PRKAA1: variants seen among roughly 807,000 people sequenced by gnomAD.
PRKAA1 encodes protein kinase AMP-activated catalytic subunit alpha 1.
A neutral mutation model predicts 56.9 loss-of-function variants in PRKAA1; 23 were observed. The ratio of observed to expected loss-of-function variants is 0.40; its 90% CI spans 0.29 to 0.57. PRKAA1 has a LOEUF of 0.57. Ranked by LOEUF, PRKAA1 falls within the 20% of genes least tolerant of loss-of-function variation. The pLI is 0.39. For missense variants in PRKAA1, 413 were observed against 679.7 expected, an observed-to-expected ratio of 0.61 and a Z score of 4.36; for synonymous variants, 226 against 227.0, an observed-to-expected ratio of 1.00 and a Z score of 0.04.
intron 1 of PRKAA1, among the ~76,000 whole-genome samples, chr5:40,785,998 TAA>T (rs1744465340): frequency 6.6e-6 from 1 of 152,154 alleles, no homozygotes; most frequent in Non-Finnish European, 1.5e-5. Flanking sequence ...CTCACGCCTG[TAA>T]TCCCAGCACT....
Position 40,767,459 on chromosome 5 carries a change from T to C in PRKAA1, c.821+7A>G. ...CAGATCTGATAACTTCCAAACTGCT[T>C]TATTACCTGATATCTTTGATTGTGG... On this transcript the variant is annotated splice_region_variant and intron_variant, in intron 6 of 8. Transcript: ENST00000397128. The C allele has an allele frequency of 1.2e-6, 2 of 1,600,698 alleles. No individual in the cohort carries two copies.
chr5:40,777,955 T>C (rs1049657343), intron 1 of PRKAA1, among the ~76,000 whole-genome samples: 3 of 152,136 alleles, frequency 2.0e-5, no homozygotes, highest in African/African-American at 4.8e-5. Flanking sequence ...ACAGCTGTAA[T>C]CCCAGCTACT....
intron 3 of PRKAA1, among the ~76,000 whole-genome samples, chr5:40,774,706 T>C (rs1314285886): frequency 6.6e-6 from 1 of 152,050 alleles, no homozygotes; most frequent in African/African-American, 2.4e-5. Flanking sequence ...ATAGAACAAA[T>C]GAATGAGTAA....
At position 40,767,621 on chromosome 5, in the gene PRKAA1, G is replaced by T. The variant is rs377342173; in HGVS notation, c.666C>A (p.Thr222=). ...GCACATGGTCATCATCAAATGGAAG[G>T]GTTCCACATAATAAAGCATAGAGAA... ...GVILYALLCG[T]LPFDDDHVPT... The change falls in exon 6 of 9, where the codon ACC becomes ACA. Residue 222 remains threonine, a synonymous_variant. Transcript: ENST00000397128. The T allele has an allele frequency of 1.4e-5, 22 of 1,613,590 alleles. No individual in the cohort carries two copies. Among genetic ancestry groups the T allele is most frequent in the Middle Eastern group, 1.7e-4 (1 of 6,060 alleles).
intron 3 of PRKAA1, chr5:40,774,937 G>A: frequency 6.2e-7 from 1 of 1,600,802 alleles, no homozygotes; most frequent in Non-Finnish European, 8.6e-7. Context: ...CCTCCTTCGT[G>A]GAGCCTGTTT....
At chr5:40,781,422 AGCAAAGAAGGG>A (rs1744261018) in intron 1 of PRKAA1, among the ~76,000 whole-genome samples, 1 of 152,168 alleles carries the variant, frequency 6.6e-6, no homozygotes, top group African/African-American at 2.4e-5. Context: ...CATGGAATCC[AGCAAAGAAGGG>A]ATCCAATATA....
chr5:40,780,082 ATTCACTTCTATGATC>A (rs1239465391), intron 1 of PRKAA1, among the ~76,000 whole-genome samples: 1 of 152,150 alleles, frequency 6.6e-6, no homozygotes, highest in Non-Finnish European at 1.5e-5. Flanking sequence ...TCACCTGCAT[ATTCACTTCTATGATC>A]TTCAAAACAT....
At chr5:40,797,749 GC>G (rs1228881397) in intron 1 of PRKAA1, among the ~76,000 whole-genome samples, 2 of 152,302 alleles carry the variant, frequency 1.3e-5, no homozygotes, top group African/African-American at 4.8e-5. Flanking sequence ...CCCAGAGCGC[GC>G]CGCGCCGCCC....
intron 1 of PRKAA1, among the ~76,000 whole-genome samples, chr5:40,795,502 C>T (rs1744889516): frequency 6.6e-6 from 1 of 152,190 alleles, no homozygotes; most frequent in African/African-American, 2.4e-5. Flanking sequence ...ATGCCATCCC[C>T]CTTGCTAATG....
chr5:40,772,715 C>T (rs1281913839), intron 3 of PRKAA1, among the ~76,000 whole-genome samples: 1 of 152,060 alleles, frequency 6.6e-6, no homozygotes, highest in African/African-American at 2.4e-5. Context: ...CTCACTGCAG[C>T]CTCGGCTTCC....
rs1267053541 is a variant in PRKAA1, at chr5:40,759,990, T to C, written c.*2788A>G. 1 of 152,786 alleles carries C rather than the reference T, an allele frequency of 6.5e-6. No homozygotes were observed. The highest frequency in any genetic ancestry group is 1.5e-5 in the Non-Finnish European group (1 of 68,034). 9.5% of individuals were successfully genotyped at this position (152,786 alleles called of 1,614,324 possible). A position where few individuals can be genotyped will look rare whatever the true frequency, so the allele number is the denominator to read the frequency against. ...GTAAAATCTGTTATACTTAAAACTA[T>C]GTATACAGTACATTTCTGGCAAAAA... is the stretch of plus-strand genomic sequence containing the variant. On this transcript the variant is annotated 3_prime_UTR_variant, in exon 9 of 9. Transcript: ENST00000397128.
At chr5:40,783,369 A>AT (rs35091668) in intron 1 of PRKAA1, among the ~76,000 whole-genome samples, 107,121 of 151,934 alleles carry the variant, frequency 0.71, 37,813 homozygotes, top group East Asian at 0.8. Flanking sequence ...ACACAAAAAA[A>AT]TCATATAAAA....
intron 1 of PRKAA1, among the ~76,000 whole-genome samples, chr5:40,785,421 G>A (rs983484958): frequency 6.6e-6 from 1 of 151,824 alleles, no homozygotes; most frequent in Non-Finnish European, 1.5e-5. Context: ...TGTATGTTTA[G>A]TAGAGATGGG....
chr5:40,791,620 C>T (rs539969669), intron 1 of PRKAA1, among the ~76,000 whole-genome samples: 1 of 152,288 alleles, frequency 6.6e-6, no homozygotes, highest in African/African-American at 2.4e-5. Flanking sequence ...TTCTAGACAC[C>T]TAACCATTTC....
Position 40,769,399 on chromosome 5 carries a change from AG to A in PRKAA1, c.596+16del. On this transcript the variant is annotated intron_variant, in intron 5 of 8. Coordinates refer to ENST00000397128, the MANE Select transcript of PRKAA1 (RefSeq NM_006251.6). Reference sequence around the variant, plus strand: ...CAATTTCAAATGTATTGAGGGAGGCAGGGTATCAAATACTACCTTCCTGAAA... The same window carrying A: ...CAATTTCAAATGTATTGAGGGAGGCAGGTATCAAATACTACCTTCCTGAAA... The A allele has an allele frequency of 6.4e-7, 1 of 1,561,204 alleles. No individual in the cohort carries two copies. Among genetic ancestry groups the A allele is most frequent in the Non-Finnish European group, 8.8e-7 (1 of 1,134,936 alleles).
intron 1 of PRKAA1, among the ~76,000 whole-genome samples, chr5:40,780,696 G>GC (rs1744234034): frequency 6.6e-6 from 1 of 152,112 alleles, no homozygotes. Flanking sequence ...ATGCCAACAA[G>GC]CCTGGAGTTC....
At chr5:40,797,977 C>T (rs2112121301) in intron 1 of PRKAA1, 86 bp downstream of exon 1, 13 of 1,548,624 alleles carry the variant, frequency 8.4e-6, no homozygotes, top group South Asian at 6.7e-5. Flanking sequence ...AGGGACGCAG[C>T]GGGCGGGGGA....
At chr5:40,768,305 TC>T (rs1743564926) in intron 5 of PRKAA1, 1 of 428,646 alleles carries the variant, frequency 2.3e-6, no homozygotes, top group African/African-American at 2.2e-5. Context: ...AAGTAAAAGT[TC>T]TCATACACCA....
chr5:40,794,047 A>C (rs1042348208), intron 1 of PRKAA1, among the ~76,000 whole-genome samples: 19 of 151,924 alleles, frequency 1.3e-4, no homozygotes, highest in Non-Finnish European at 7.4e-5. Flanking sequence ...GGTTGCAATG[A>C]GCTGAGATTG....
Sources: allele counts gnomAD v4.1 joint callset (sites outside exome capture counted in the v4.1 genomes callset), GRCh38; gene constraint gnomAD v4.1.1; transcripts MANE v1.5; gene names NCBI Gene and HGNC (gene_info 2026-07-23, HGNC 2026-07-21).